Variants in CASK observed in about 807,000 individuals in gnomAD.
The protein encoded by CASK is calcium/calmodulin dependent serine protein kinase.
CASK carries 4 observed loss-of-function variants against 82.9 expected under a neutral mutation model. That is an observed-to-expected ratio of 0.05 (90% CI 0.02 to 0.11). The LOEUF is 0.11. CASK is among the 10% of genes least tolerant of loss of function. CASK has a pLI of 1.00. For synonymous variants in CASK, 259 were observed against 253.5 expected (o/e 1.02, Z -0.20); for missense variants, 358 against 720.9 (o/e 0.50, Z 5.76).
chrX:41,585,005 G>A (rs1262377289), intron 14 of CASK: 1 of 112,483 alleles, frequency 8.9e-6, no homozygotes, highest in African/African-American at 3.2e-5. Context: ...AACTGGGCTG[G>A]GATATGGAAG....
Position 41,761,531 on chromosome X carries a change from C to A in CASK, c.279-15930G>T, listed in dbSNP as rs767199600. Among the ~76,000 whole-genome samples the A allele has an allele frequency of 6.3e-5, 7 of 111,945 alleles. No homozygotes were observed. In the East Asian group the frequency reaches 1.7e-3, roughly 27 times the overall value. ...TAGCTCGTGTAATCTTACTTTTAGG[C>A]AAGTTTCTGGCTAAAATGAAAATGT... On this transcript the variant is annotated intron_variant, in intron 3 of 26. Transcript: ENST00000378163.
At chrX:41,753,979 C>T (rs1025535226) in intron 3 of CASK, among the ~76,000 whole-genome samples, 6 of 112,451 alleles carry the variant, frequency 5.3e-5, no homozygotes, top group African/African-American at 1.9e-4. Flanking sequence ...TTACATGTAT[C>T]TCAGAATAAA....
At chrX:41,623,485 C>A (rs1001197965) in intron 10 of CASK, among the ~76,000 whole-genome samples, 1 of 111,626 alleles carries the variant, frequency 9.0e-6, no homozygotes, top group Admixed American at 9.5e-5. Context: ...TGCAGTGGCA[C>A]GATCTCGGCT....
intron 3 of CASK, among the ~76,000 whole-genome samples, chrX:41,748,790 C>G (rs1328659044): frequency 9.0e-6 from 1 of 111,372 alleles, no homozygotes; most frequent in Non-Finnish European, 1.9e-5. Flanking sequence ...AGGAGGGAAC[C>G]AGTCCGTGAG....
chrX:41,872,151 T>A (rs2071717848), intron 1 of CASK, among the ~76,000 whole-genome samples: 2 of 112,833 alleles, frequency 1.8e-5, no homozygotes, highest in South Asian at 7.3e-4. Context: ...TGAGTGGTTG[T>A]GACAAAAACG....
intron 13 of CASK, 90 bp downstream of exon 13, chrX:41,589,425 G>A: frequency 1.6e-6 from 1 of 612,794 alleles, no homozygotes; most frequent in East Asian, 3.4e-5. Flanking sequence ...TGACTCCAGG[G>A]AAACTGCCTC....
intron 8 of CASK, among the ~76,000 whole-genome samples, chrX:41,642,714 A>G (rs1241919429): frequency 8.9e-5 from 10 of 111,853 alleles, no homozygotes; most frequent in Admixed American, 1.9e-4. Context: ...TCACTCTGAC[A>G]GTAGTTTATT....
intron 5 of CASK, among the ~76,000 whole-genome samples, chrX:41,673,693 G>A (rs899923426): frequency 2.7e-5 from 3 of 110,258 alleles, no homozygotes; most frequent in Admixed American, 1.9e-4. Context: ...CAGGAATAAG[G>A]AGGGTTGTTT....
intron 2 of CASK, among the ~76,000 whole-genome samples, chrX:41,811,554 CA>C (rs2070286863): frequency 8.9e-6 from 1 of 112,253 alleles, no homozygotes; most frequent in Admixed American, 9.4e-5. Context: ...AACAAAGACA[CA>C]ACATACCAGA....
At chrX:41,906,200 C>T (rs1021461790) in intron 1 of CASK, among the ~76,000 whole-genome samples, 27 of 112,024 alleles carry the variant, frequency 2.4e-4, no homozygotes, top group Non-Finnish European at 4.9e-4. Context: ...ACTGATTCAA[C>T]TATATACTGA....
intron 1 of CASK, among the ~76,000 whole-genome samples, chrX:41,871,159 C>A (rs985770576): frequency 1.1e-4 from 12 of 112,020 alleles, no homozygotes; most frequent in Non-Finnish European, 2.3e-4. Context: ...CAACCCTTTC[C>A]ATCTTCAAGC....
At chrX:41,653,840 T>C (rs1172823040) in intron 8 of CASK, among the ~76,000 whole-genome samples, 1 of 112,490 alleles carries the variant, frequency 8.9e-6, no homozygotes, top group East Asian at 2.8e-4. Flanking sequence ...TTTGGGTTGA[T>C]GCAGGACCCA....
At chrX:41,876,368 G>A (rs1275869407) in intron 1 of CASK, among the ~76,000 whole-genome samples, 1 of 111,249 alleles carries the variant, frequency 9.0e-6, no homozygotes, top group East Asian at 2.8e-4. Flanking sequence ...GTGAGAATCC[G>A]GGTCCTAAAA....
At chrX:41,727,707 T>A (rs1299736753) in intron 5 of CASK, 1 of 1,201,112 alleles carries the variant, frequency 8.3e-7, no homozygotes, top group Admixed American at 2.2e-5. Flanking sequence ...TTGTAAGCCA[T>A]CTGAGAAAAA....
intron 11 of CASK, among the ~76,000 whole-genome samples, chrX:41,612,626 G>A (rs1394678089): frequency 4.1e-5 from 4 of 96,701 alleles, no homozygotes; most frequent in Non-Finnish European, 6.3e-5. Flanking sequence ...CCCTCTGCCC[G>A]GCCAGCCGCC....
Position 41,787,297 on chromosome X carries a change from A to G in CASK, c.173-14T>C, listed in dbSNP as rs748986048. 2 of 946,310 alleles carry G rather than the reference A, an allele frequency of 2.1e-6. No homozygotes were observed. The highest frequency in any genetic ancestry group is 3.9e-5 in the South Asian group (2 of 51,646). 78.0% of individuals were successfully genotyped at this position (946,310 alleles called of 1,213,427 possible). ...CCCGCTTTAGATCTGTAAAACAAACATACAGCATACTTCATTAGGTAGGAA... is the reference window on the plus strand; with the variant it reads ...CCCGCTTTAGATCTGTAAAACAAACGTACAGCATACTTCATTAGGTAGGAA... On this transcript the variant is annotated splice_polypyrimidine_tract_variant and intron_variant, in intron 2 of 26. Coordinates refer to ENST00000378163, the MANE Select transcript of CASK (RefSeq NM_001367721.1).
chrX:41,576,875 C>T (rs1392439371), intron 15 of CASK, among the ~76,000 whole-genome samples: 2 of 111,098 alleles, frequency 1.8e-5, no homozygotes, highest in Non-Finnish European at 3.8e-5. Flanking sequence ...TGCATGCCCC[C>T]CATGTGCTGC....
intron 5 of CASK, among the ~76,000 whole-genome samples, chrX:41,679,289 C>G (rs2067314539): frequency 9.0e-6 from 1 of 111,212 alleles, no homozygotes; most frequent in Non-Finnish European, 1.9e-5. Flanking sequence ...CCATCTCCCC[C>G]AGTGCAAACC....
At chrX:41,550,733 CAAA>C (rs1251401309) in intron 21 of CASK, among the ~76,000 whole-genome samples, 1 of 59,359 alleles carries the variant, frequency 1.7e-5, no homozygotes, top group Non-Finnish European at 3.4e-5. Flanking sequence ...CTCATCTCTA[CAAA>C]AAAAAAAAAA....
Sources: gnomAD v4.1 joint callset for allele counts (sites outside exome capture counted in the v4.1 genomes callset) on GRCh38, gnomAD v4.1.1 for gene constraint, MANE v1.5 for transcripts, NCBI Gene and HGNC (gene_info 2026-07-23, HGNC 2026-07-21) for gene names.